PRMT7: variants seen among roughly 807,000 people sequenced by gnomAD.
The protein encoded by PRMT7 is protein arginine methyltransferase 7, also known as protein arginine N-methyltransferase 7.
A neutral mutation model predicts 85.4 loss-of-function variants in PRMT7; 75 were observed. That is an observed-to-expected ratio of 0.88 (90% CI 0.73 to 1.06). The LOEUF (loss-of-function observed/expected upper bound fraction) is 1.06. PRMT7 is among the 50% of genes least tolerant of loss of function. The pLI is 0.00. For missense variants in PRMT7, 868 were observed against 915.2 expected (o/e 0.95, Z 0.67); for synonymous variants, 397 against 359.5 (o/e 1.10, Z -1.18).
Position 68,356,778 on chromosome 16 carries a change from T to A in PRMT7, c.1889T>A (p.Leu630Gln). ...TPECTLSTGL[L>Q]EPADPEGGCC... ...GAGTGCACGCTCAGCACTGGCCTCC[T>A]GGAGCCTGCAGACCCCGAGGTAGTG... The change falls in exon 18 of 19, where the codon CTG becomes CAG. Residue 630 changes from leucine (L) to glutamine (Q), a missense_variant. Transcript: ENST00000441236. 1 of 1,609,864 alleles carries A rather than the reference T, an allele frequency of 6.2e-7. No homozygotes were observed. Among genetic ancestry groups the A allele is most frequent in the Non-Finnish European group, 8.5e-7 (1 of 1,179,402 alleles).
chr16:68,355,642 G>T (rs1350595236), intron 16 of PRMT7, 81 bp from the exon 17 acceptor site: 25 of 1,374,612 alleles, frequency 1.8e-5, no homozygotes, highest in Non-Finnish European at 2.3e-5. Context: ...ACTGCAGTCA[G>T]TGGGAGCCAA....
rs1279350128 is a variant in PRMT7, at chr16:68,324,780, T to C, written c.230T>C (p.Leu77Pro). 1.2e-6 allele frequency: 2 copies of C among 1,614,030 alleles called. No homozygotes were observed. The highest frequency in any genetic ancestry group is 1.7e-6 in the Non-Finnish European group (2 of 1,180,024). The change falls in exon 5 of 19, where the codon CTC (leucine) becomes CCC (proline). Residue 77 changes from leucine (L) to proline (P), a missense_variant. Coordinates refer to ENST00000441236, the MANE Select transcript of PRMT7 (RefSeq NM_019023.5). ...LVLDIGTGTG[L>P]LSMMAVTAGA... is the part of the protein sequence containing the mutation. ...CTCGACATTGGCACTGGCACGGGAC[T>C]CTTGTCAATGATGGCGGTCACAGCA...
chr16:68,338,641 G>A (rs1290015265), intron 7 of PRMT7, among the ~76,000 whole-genome samples: 1 of 152,136 alleles, frequency 6.6e-6, no homozygotes, highest in Non-Finnish European at 1.5e-5. Flanking sequence ...GAGCAAGGTT[G>A]GGAGATGCTT....
intron 3 of PRMT7, among the ~76,000 whole-genome samples, chr16:68,316,477 A>C (rs2081872183): frequency 6.6e-6 from 1 of 152,106 alleles, no homozygotes; most frequent in Admixed American, 6.6e-5. Flanking sequence ...AAAGTATGTG[A>C]GTTGTTGGCC....
intron 4 of PRMT7, chr16:68,321,792 C>G: frequency 4.3e-6 from 1 of 233,656 alleles, no homozygotes; most frequent in Non-Finnish European, 8.3e-6. Context: ...GTGGTGAGAA[C>G]ATTTAAGATC....
At chr16:68,322,003 A>G (rs1295068566) in intron 4 of PRMT7, among the ~76,000 whole-genome samples, 4 of 151,426 alleles carry the variant, frequency 2.6e-5, no homozygotes, top group Non-Finnish European at 2.9e-5. Flanking sequence ...GCTAGAGTAC[A>G]GGGGCGAGAT....
chr16:68,348,363 GA>G lies in PRMT7; in HGVS notation c.1347del (p.Asp450IlefsTer6). Reference protein sequence around the residue: ...LRKIFKANHLEDKINIIEKRP... With the variant: ...LRKIFKANHLXDKINIIEKRP... Reference sequence around the variant, plus strand: ...TAAGATCTTCAAGGCTAACCACTTGGAAGATAAAATTAACATCATAGAGAAA... The same window carrying G: ...TAAGATCTTCAAGGCTAACCACTTGGAGATAAAATTAACATCATAGAGAAA... On this transcript the variant is annotated frameshift_variant, in exon 14 of 19. Transcript: ENST00000441236. LOFTEE classifies it high-confidence loss of function. 6.2e-7 allele frequency: 1 copy of G among 1,606,424 alleles called. No homozygotes were observed. Among genetic ancestry groups the G allele is most frequent in the Non-Finnish European group, 8.5e-7 (1 of 1,173,530 alleles).
chr16:68,350,757 C>G (rs1416549084), intron 14 of PRMT7, among the ~76,000 whole-genome samples: 2 of 152,266 alleles, frequency 1.3e-5, no homozygotes, highest in African/African-American at 2.4e-5. Context: ...TGGGCACCCA[C>G]TCTTCTCCTT....
At chr16:68,313,989 C>G (rs1033283321) in intron 2 of PRMT7, among the ~76,000 whole-genome samples, 1 of 152,126 alleles carries the variant, frequency 6.6e-6, no homozygotes, top group Non-Finnish European at 1.5e-5. Context: ...GGGCCTTGTT[C>G]GTAGGAAGTC....
At chr16:68,352,039 AC>A (rs1425607689) in intron 14 of PRMT7, 1 of 553,718 alleles carries the variant, frequency 1.8e-6, no homozygotes, top group African/African-American at 1.9e-5. Context: ...GGTACAGAGC[AC>A]CTTGCTGCCT....
At chr16:68,339,650 A>G (rs778733467) in intron 8 of PRMT7, 87 bp downstream of exon 8, 36 of 1,592,000 alleles carry the variant, frequency 2.3e-5, no homozygotes, top group Non-Finnish European at 3.0e-5. Context: ...TGGGAAGGAA[A>G]TCTAGCTGCT....
At chr16:68,346,314 A>G (rs748825390) in intron 11 of PRMT7, 34 bp downstream of exon 11, 17 of 1,609,798 alleles carry the variant, frequency 1.1e-5, no homozygotes, top group Admixed American at 5.0e-5. Context: ...GTTGTGGGGA[A>G]AAGGGAGAAA....
At chr16:68,311,397 G>T in intron 1 of PRMT7, 1 of 255,256 alleles carries the variant, frequency 3.9e-6, no homozygotes, top group Non-Finnish European at 7.9e-6. Context: ...CCCCTAACTG[G>T]GCCACGAGTT....
intron 6 of PRMT7, among the ~76,000 whole-genome samples, chr16:68,336,184 A>G (rs2084664204): frequency 6.6e-6 from 1 of 152,180 alleles, no homozygotes; most frequent in East Asian, 1.9e-4. Context: ...ATGAGGCATT[A>G]AAAGTGTTTA....
At chr16:68,316,809 C>T (rs1196165811) in intron 3 of PRMT7, 3 of 152,182 alleles carry the variant, frequency 2.0e-5, no homozygotes, top group Admixed American at 1.3e-4. Flanking sequence ...TCATTAAGTG[C>T]ATTCAGTGTG....
chr16:68,348,718 C>T (rs2086799955), intron 14 of PRMT7, among the ~76,000 whole-genome samples: 1 of 138,996 alleles, frequency 7.2e-6, no homozygotes, highest in Non-Finnish European at 1.5e-5. Context: ...TCTTGGCTTA[C>T]TGCAGCCTCG....
intron 14 of PRMT7, among the ~76,000 whole-genome samples, chr16:68,350,344 C>G (rs1420649350): frequency 6.6e-6 from 1 of 152,136 alleles, no homozygotes; most frequent in Non-Finnish European, 1.5e-5. Context: ...AGCTGCTGAA[C>G]TGTTGGTTGA....
chr16:68,325,783 T>A (rs889905088), intron 5 of PRMT7, among the ~76,000 whole-genome samples: 2 of 151,976 alleles, frequency 1.3e-5, no homozygotes, highest in Non-Finnish European at 2.9e-5. Context: ...AGAGTGAGAC[T>A]CCATCTCAAA....
chr16:68,337,268 C>T (rs2084840382), intron 6 of PRMT7, among the ~76,000 whole-genome samples, 191 bp from the exon 7 acceptor site: 1 of 152,002 alleles, frequency 6.6e-6, no homozygotes, highest in African/African-American at 2.4e-5. Context: ...CATACATTTA[C>T]ATATGGATTT....
Sources: allele counts gnomAD v4.1 joint callset (sites outside exome capture counted in the v4.1 genomes callset), GRCh38; gene constraint gnomAD v4.1.1; transcripts MANE v1.5; gene names NCBI Gene and HGNC (gene_info 2026-07-23, HGNC 2026-07-21).